KLRD1: variants seen among roughly 807,000 people sequenced by gnomAD.
The protein encoded by KLRD1 is natural killer cells antigen CD94.
In KLRD1, 21 loss-of-function variants were observed where a neutral mutation model predicts 22.6. The observed-to-expected ratio is 0.93, with a 90% CI of 0.66 to 1.34. KLRD1 has a LOEUF of 1.34. KLRD1 is among the 40% of genes most tolerant of loss of function. The pLI is 0.00. For missense variants in KLRD1, 183 were observed against 208.6 expected, an observed-to-expected ratio of 0.88 and a Z score of 0.76; for synonymous variants, 59 against 71.1, an observed-to-expected ratio of 0.83 and a Z score of 0.85.
At chr12:10,289,962 G>A (rs746217218) in intron 1 of KLRD1, among the ~76,000 whole-genome samples, 1 of 152,046 alleles carries the variant, frequency 6.6e-6, no homozygotes, top group Non-Finnish European at 1.5e-5. Flanking sequence ...ATTTTTAGTA[G>A]AGATGGGGTT....
chr12:10,266,535 C>T (rs148438313), intron 1 of KLRD1, among the ~76,000 whole-genome samples: 2,420 of 151,990 alleles, frequency 0.016, 35 homozygotes, highest in Non-Finnish European at 0.023. Context: ...ACTGTTTCAA[C>T]TATTTTTTTC....
intron 1 of KLRD1, among the ~76,000 whole-genome samples, chr12:10,283,288 A>G (rs1350505061): frequency 6.6e-6 from 1 of 152,186 alleles, no homozygotes; most frequent in African/African-American, 2.4e-5. Flanking sequence ...GCATGAGGGA[A>G]GGACAAAAAC....
upstream of KLRD1, among the ~76,000 whole-genome samples, chr12:10,306,395 GACGTATTCTC>G (rs1949929039): frequency 1.3e-5 from 2 of 152,048 alleles, no homozygotes; most frequent in Non-Finnish European, 2.9e-5. Flanking sequence ...ATGACTGATG[GACGTATTCTC>G]ACCAAACAGG....
chr12:10,293,126 G>T (rs1949784756), intron 1 of KLRD1, among the ~76,000 whole-genome samples: 1 of 35,764 alleles, frequency 2.8e-5, no homozygotes, highest in Non-Finnish European at 6.6e-5. Flanking sequence ...TGGCTGGTTT[G>T]ATCTTTGATA....
intron 1 of KLRD1, among the ~76,000 whole-genome samples, chr12:10,271,926 C>A (rs1034619843): frequency 1.3e-5 from 2 of 151,846 alleles, no homozygotes; most frequent in African/African-American, 4.8e-5. Context: ...GTTTATAGAT[C>A]TATTGTAGAG....
intron 1 of KLRD1, among the ~76,000 whole-genome samples, chr12:10,293,787 G>A (rs1949798111): frequency 6.6e-6 from 1 of 152,206 alleles, no homozygotes; most frequent in Non-Finnish European, 1.5e-5. Context: ...GCACAATAAA[G>A]TGAAGTGCAG....
At position 10,317,114 on chromosome 12, in the gene KLRD1, C is replaced by T. The variant is rs1950249588; in HGVS notation, c.*2321C>T. 6.6e-6 allele frequency: 1 copy of T among 152,144 alleles called. No individual in the cohort carries two copies. Among genetic ancestry groups the T allele is most frequent in the Non-Finnish European group, 1.5e-5 (1 of 68,040 alleles). The allele number at this position is 152,144 out of a possible 1,614,324, so 9.4% of individuals were successfully genotyped here. On this transcript the variant is annotated 3_prime_UTR_variant, in exon 6 of 6. Coordinates refer to ENST00000336164, the MANE Select transcript of KLRD1 (RefSeq NM_002262.5). ...CATGTCGCTGCAAAGGACATGAACT[C>T]ATTCTTTTTATGGCTGCATAGTATT...
At chr12:10,266,234 A>G (rs1195029497) in intron 1 of KLRD1, among the ~76,000 whole-genome samples, 5 of 152,126 alleles carry the variant, frequency 3.3e-5, no homozygotes, top group African/African-American at 1.2e-4. Context: ...CTTATTTTTA[A>G]AGTATAAGTA....
At position 10,327,505 on chromosome 12, in the gene KLRD1, A is replaced by G. The variant is rs887930328; in HGVS notation, c.*12712A>G. The G allele has an allele frequency of 6.6e-6, 1 of 152,192 alleles. No individual in the cohort carries two copies. The highest frequency in any genetic ancestry group is 2.4e-5 in the African/African-American group (1 of 41,452). 9.4% of individuals were successfully genotyped at this position (152,192 alleles called of 1,614,324 possible). A position where few individuals can be genotyped will look rare whatever the true frequency, so the allele number is the denominator to read the frequency against. ...GAAATACAAATATTTTAACTATATG[A>G]AGTCTTTTAATAAATGAATATAGGA... is the stretch of plus-strand genomic sequence containing the variant. On this transcript the variant is annotated 3_prime_UTR_variant, in exon 6 of 6. Coordinates refer to ENST00000336164, the MANE Select transcript of KLRD1 (RefSeq NM_002262.5).
intron 1 of KLRD1, among the ~76,000 whole-genome samples, chr12:10,292,577 G>T (rs1452158045): frequency 6.6e-6 from 1 of 152,066 alleles, no homozygotes; most frequent in Admixed American, 6.6e-5. Context: ...CTCAACAATG[G>T]GCTTAAAATA....
chr12:10,326,275 T>C lies in KLRD1; in HGVS notation c.*11482T>C, dbSNP rs920589234. 6.6e-6 allele frequency: 1 copy of C among 152,206 alleles called. No individual in the cohort carries two copies. Among genetic ancestry groups the C allele is most frequent in the Non-Finnish European group, 1.5e-5 (1 of 68,024 alleles). 9.4% of individuals were successfully genotyped at this position (152,206 alleles called of 1,614,324 possible). The stretch of plus-strand genomic sequence containing the variant: ...TTCTGTAGATCATCCTTTCATTCCA[T>C]TGGTTATTTCCTTTGTGAACCCTGA... On this transcript the variant is annotated 3_prime_UTR_variant, in exon 6 of 6. Coordinates refer to ENST00000336164, the MANE Select transcript of KLRD1 (RefSeq NM_002262.5).
At chr12:10,313,568 G>A in intron 5 of KLRD1, 55 bp downstream of exon 5, 5 of 1,014,808 alleles carry the variant, frequency 4.9e-6, no homozygotes, top group East Asian at 2.5e-5. Flanking sequence ...GTCCTTAAAT[G>A]TGACTAGTAA....
chr12:10,254,231 A>G (rs1949371246), intron 1 of KLRD1, among the ~76,000 whole-genome samples: 3 of 151,424 alleles, frequency 2.0e-5, no homozygotes, highest in African/African-American at 7.3e-5. Flanking sequence ...GCTCGAGACC[A>G]TTCTGGGTAA....
Position 10,322,458 on chromosome 12 carries a change from A to G in KLRD1, c.*7665A>G, listed in dbSNP as rs2617147. On this transcript the variant is annotated 3_prime_UTR_variant, in exon 6 of 6. Transcript: ENST00000336164. ...AAAACAACTCTTCTGCCAGATTAAA[A>G]TTTTTTGTTTTTTGGTTTTTTTAGT... The G allele has an allele frequency of 0.87, 132,704 of 152,242 alleles. 60,658 individuals carry two copies. The highest frequency in any genetic ancestry group is 1 in the Non-Finnish European group (67,936 of 68,036). 9.4% of individuals were successfully genotyped at this position (152,242 alleles called of 1,614,324 possible).
intron 3 of KLRD1, among the ~76,000 whole-genome samples, chr12:10,310,597 C>G (rs1741583881): frequency 6.6e-6 from 1 of 152,072 alleles, no homozygotes; most frequent in African/African-American, 2.4e-5. Flanking sequence ...GTCAGAAGTT[C>G]AAGACAGGCC....
intron 1 of KLRD1, among the ~76,000 whole-genome samples, chr12:10,293,284 A>C (rs751641184): frequency 1.3e-5 from 2 of 150,894 alleles, no homozygotes; most frequent in Non-Finnish European, 3.0e-5. Context: ...CTTTCGGCCT[A>C]TGTGGGCTTT....
At chr12:10,291,615 CTTTTT>C (rs60356564) in intron 1 of KLRD1, among the ~76,000 whole-genome samples, 1 of 145,038 alleles carries the variant, frequency 6.9e-6, no homozygotes, top group Non-Finnish European at 1.5e-5. Flanking sequence ...TCAGCCACAT[CTTTTT>C]TTTTTTTTTT....
At chr12:10,278,391 A>C (rs1949610481) in intron 1 of KLRD1, among the ~76,000 whole-genome samples, 1 of 152,168 alleles carries the variant, frequency 6.6e-6, no homozygotes, top group Admixed American at 6.5e-5. Flanking sequence ...TAAGGCTAAT[A>C]TTTAAAGTAT....
At chr12:10,244,991 T>C (rs537571463) in intron 1 of KLRD1, among the ~76,000 whole-genome samples, 3 of 152,312 alleles carry the variant, frequency 2.0e-5, no homozygotes, top group Admixed American at 6.5e-5. Flanking sequence ...ATAATTATTG[T>C]CATAATGCAG....
Sources: allele counts gnomAD v4.1 joint callset (sites outside exome capture counted in the v4.1 genomes callset), GRCh38; gene constraint gnomAD v4.1.1; transcripts MANE v1.5; gene names NCBI Gene and HGNC (gene_info 2026-07-23, HGNC 2026-07-21).